Variants in PTN observed in about 807,000 individuals in gnomAD.
The protein encoded by PTN is pleiotrophin.
A neutral mutation model predicts 24.1 loss-of-function variants in PTN; 18 were observed. That is an observed-to-expected ratio of 0.75 (90% CI 0.52 to 1.11). The LOEUF (loss-of-function observed/expected upper bound fraction) is 1.11, where lower values mean the gene tolerates loss of function less well. Ranked by LOEUF, PTN falls within the 50% of genes least tolerant of loss-of-function variation. The pLI is 0.00. For synonymous variants in PTN, 78 were observed against 68.6 expected (o/e 1.14, Z -0.67); for missense variants, 163 against 198.8 (o/e 0.82, Z 1.08).
intron 1 of PTN, among the ~76,000 whole-genome samples, chr7:137,275,967 A>T (rs1294496056): frequency 6.6e-6 from 1 of 152,228 alleles, no homozygotes; most frequent in South Asian, 2.1e-4. Flanking sequence ...TAAAAACATA[A>T]TTAACAAAAC....
chr7:137,247,756 T>A (rs1808749215), intron 4 of PTN, among the ~76,000 whole-genome samples: 1 of 152,114 alleles, frequency 6.6e-6, no homozygotes, highest in African/African-American at 2.4e-5. Flanking sequence ...TCAAAACATC[T>A]CATGTACCAC....
At chr7:137,274,629 G>A (rs322245) in intron 1 of PTN, among the ~76,000 whole-genome samples, 89,233 of 151,938 alleles carry the variant, frequency 0.59, 26,857 homozygotes, top group East Asian at 0.75. Flanking sequence ...CACAGATGGT[G>A]ATGTAAATAT....
intron 1 of PTN, among the ~76,000 whole-genome samples, chr7:137,260,349 T>A (rs903034369): frequency 2.0e-5 from 3 of 152,118 alleles, no homozygotes; most frequent in African/African-American, 7.2e-5. Flanking sequence ...ACTAAAGAGC[T>A]TAGCAAATTA....
chr7:137,308,437 G>A (rs322347), intron 1 of PTN, among the ~76,000 whole-genome samples: 49,870 of 151,950 alleles, frequency 0.33, 9,728 homozygotes, highest in Admixed American at 0.5. Context: ...ACAAACTACA[G>A]TGGTGACTAG....
At chr7:137,251,110 T>A in intron 4 of PTN, 120 bp downstream of exon 4, 1 of 1,229,484 alleles carries the variant, frequency 8.1e-7, no homozygotes, top group Non-Finnish European at 1.2e-6. Context: ...TGTAGGGGAG[T>A]TTTTCAGTCA....
At chr7:137,279,465 C>T (rs1809429507) in intron 1 of PTN, among the ~76,000 whole-genome samples, 1 of 152,064 alleles carries the variant, frequency 6.6e-6, no homozygotes, top group African/African-American at 2.4e-5. Context: ...CATAGAATTT[C>T]AGAAAAGCTT....
intron 1 of PTN, among the ~76,000 whole-genome samples, chr7:137,271,020 C>A (rs1809263606): frequency 6.6e-6 from 1 of 152,160 alleles, no homozygotes; most frequent in South Asian, 2.1e-4. Flanking sequence ...TTCTGGAATT[C>A]AGTAGTTAGC....
At chr7:137,305,777 T>G (rs1328327095) in intron 1 of PTN, among the ~76,000 whole-genome samples, 2 of 152,102 alleles carry the variant, frequency 1.3e-5, no homozygotes, top group Non-Finnish European at 2.9e-5. Flanking sequence ...GGCAACCTTA[T>G]GGACTTCAAG....
At chr7:137,267,429 T>C (rs1563205827) in intron 1 of PTN, among the ~76,000 whole-genome samples, 1 of 152,132 alleles carries the variant, frequency 6.6e-6, no homozygotes. Context: ...CAGCTGTAAC[T>C]GTCTATGTAC....
chr7:137,278,306 CAAAAAAAAAAAAAAAAA>C (rs71176391), intron 1 of PTN, among the ~76,000 whole-genome samples: 1 of 62,848 alleles, frequency 1.6e-5, no homozygotes, highest in African/African-American at 6.9e-5. Context: ...GACTCCGTCT[CAAAAAAAAAAAAAAAAA>C]AAAAAAAAAA....
intron 1 of PTN, among the ~76,000 whole-genome samples, chr7:137,289,607 G>C (rs1809609040): frequency 6.6e-6 from 1 of 152,060 alleles, no homozygotes; most frequent in South Asian, 2.1e-4. Context: ...GTGTGAGAGG[G>C]AGCTGGCCCA....
chr7:137,337,007 T>C (rs1021703166), intron 1 of PTN, among the ~76,000 whole-genome samples: 28 of 152,202 alleles, frequency 1.8e-4, no homozygotes, highest in Admixed American at 3.3e-4. Context: ...ATTTTGGACC[T>C]TGGAGCTCAA....
At chr7:137,331,826 A>G (rs944562474) in intron 1 of PTN, among the ~76,000 whole-genome samples, 4 of 152,092 alleles carry the variant, frequency 2.6e-5, no homozygotes, top group African/African-American at 9.7e-5. Flanking sequence ...AGAAAGAAAG[A>G]CCTTGTGTAC....
intron 1 of PTN, among the ~76,000 whole-genome samples, chr7:137,288,678 T>C (rs1293962179): frequency 6.6e-6 from 1 of 152,132 alleles, no homozygotes; most frequent in Non-Finnish European, 1.5e-5. Flanking sequence ...AGATCAAGTG[T>C]AGAGATGGAA....
At chr7:137,231,571 A>G (rs762083296) in intron 4 of PTN, among the ~76,000 whole-genome samples, 4 of 151,846 alleles carry the variant, frequency 2.6e-5, no homozygotes, top group Non-Finnish European at 5.9e-5. Flanking sequence ...GACAATAGAG[A>G]CCCTATCTGT....
intron 1 of PTN, among the ~76,000 whole-genome samples, chr7:137,302,981 T>C (rs1337756546): frequency 1.3e-5 from 2 of 152,012 alleles, no homozygotes; most frequent in African/African-American, 4.8e-5. Context: ...TGTTTATTCA[T>C]TGTATAGTAT....
chr7:137,255,535 A>G (rs923905777), intron 1 of PTN, among the ~76,000 whole-genome samples: 5 of 152,210 alleles, frequency 3.3e-5, no homozygotes, highest in Non-Finnish European at 7.3e-5. Context: ...TCATCTTATT[A>G]TTCCATTATT....
intron 4 of PTN, among the ~76,000 whole-genome samples, chr7:137,246,006 T>C (rs1289753708): frequency 6.6e-6 from 1 of 152,020 alleles, no homozygotes; most frequent in Non-Finnish European, 1.5e-5. Context: ...GAAAGAAAAA[T>C]ATCTTCTCAT....
intron 4 of PTN, among the ~76,000 whole-genome samples, chr7:137,247,872 T>TTTCTC (rs1026113330): frequency 6.6e-6 from 1 of 152,226 alleles, no homozygotes; most frequent in African/African-American, 2.4e-5. Context: ...GGTTAGTTCA[T>TTTCTC]ACCCCTTTGT....
Sources: allele counts gnomAD v4.1 joint callset (sites outside exome capture counted in the v4.1 genomes callset), GRCh38; gene constraint gnomAD v4.1.1; transcripts MANE v1.5; gene names NCBI Gene and HGNC (gene_info 2026-07-23, HGNC 2026-07-21).